Variants in COL6A6 observed in about 807,000 individuals in gnomAD.
COL6A6 encodes collagen type VI alpha 6 chain.
COL6A6 carries 183 observed loss-of-function variants against 208.6 expected under a neutral mutation model. The ratio of observed to expected loss-of-function variants is 0.88; its 90% CI spans 0.78 to 0.99. The LOEUF (loss-of-function observed/expected upper bound fraction) is 0.99, where lower values mean the gene tolerates loss of function less well. COL6A6 is among the 50% of genes least tolerant of loss of function. The pLI, the probability that COL6A6 is intolerant of heterozygous loss-of-function variation, is 0.00. For synonymous variants in COL6A6, 973 were observed against 1,011.8 expected (o/e 0.96, Z 0.73); for missense variants, 2,816 against 2,815.2 (o/e 1.00, Z -0.01).
intron 12 of COL6A6, 29 bp downstream of exon 12, chr3:130,589,211 T>C (rs2063615916): frequency 6.5e-7 from 1 of 1,536,272 alleles, no homozygotes; most frequent in East Asian, 2.2e-5. Flanking sequence ...TATGGGTTAC[T>C]TTGAGTTGTA....
At position 130,672,384 on chromosome 3, in the gene COL6A6, A is replaced by G. The variant is rs78532535; in HGVS notation, c.6597-2818A>G. On this transcript the variant is annotated intron_variant, in intron 36 of 36. Coordinates refer to ENST00000358511, the MANE Select transcript of COL6A6 (RefSeq NM_001102608.3). ...GGATAAAGAGAAACAAAGTCTTACA[A>G]TTCTCAAATTGAGTAATCACATTTT... 1.6e-4 allele frequency among the ~76,000 whole-genome samples: 24 copies of G among 151,298 alleles called. 1 individual carries two copies. The highest frequency in any genetic ancestry group is 2.0e-4 in the African/African-American group (8 of 40,688).
chr3:130,607,821 C>T (rs577815156), intron 21 of COL6A6, among the ~76,000 whole-genome samples: 316 of 152,300 alleles, frequency 2.1e-3, no homozygotes, highest in Non-Finnish European at 3.2e-3. Context: ...TTATCCCTCC[C>T]TCCCACATAC....
At chr3:130,531,061 GTCTCTCTCTCTCTCTC>G (rs10662894) in intron 1 of COL6A6, among the ~76,000 whole-genome samples, 2 of 136,584 alleles carry the variant, frequency 1.5e-5, no homozygotes, top group Non-Finnish European at 3.1e-5. Flanking sequence ...CACACACACA[GTCTCTCTCTCTCTCTC>G]TCTCTCTCTC....
intron 5 of COL6A6, among the ~76,000 whole-genome samples, chr3:130,567,569 A>G (rs552695057): frequency 7.2e-5 from 11 of 152,354 alleles, no homozygotes; most frequent in African/African-American, 2.4e-4. Flanking sequence ...ATGATTTCAG[A>G]TTGTAAGGAG....
chr3:130,665,131 A>G (rs751819237), intron 36 of COL6A6, 35 bp downstream of exon 36: 4 of 1,399,148 alleles, frequency 2.9e-6, no homozygotes, highest in Non-Finnish European at 4.0e-6. Context: ...ATAAATGAGA[A>G]TGCCCCCTGC....
intron 28 of COL6A6, among the ~76,000 whole-genome samples, chr3:130,638,062 G>GA (rs1450993796): frequency 1.3e-5 from 2 of 150,506 alleles, no homozygotes; most frequent in African/African-American, 4.9e-5. Flanking sequence ...ATGTCCCAGG[G>GA]AAAAAAAGGA....
chr3:130,624,246 A>G (rs1012064315), intron 24 of COL6A6, among the ~76,000 whole-genome samples: 2 of 152,186 alleles, frequency 1.3e-5, no homozygotes, highest in African/African-American at 4.8e-5. Flanking sequence ...AAAGCCAGGG[A>G]GAAAAGAGGA....
chr3:130,606,986 T>C lies in COL6A6; in HGVS notation c.4689+20T>C, dbSNP rs2108186411. 6.3e-7 allele frequency: 1 copy of C among 1,582,842 alleles called. No individual in the cohort carries two copies. Among genetic ancestry groups the C allele is most frequent in the Non-Finnish European group, 8.6e-7 (1 of 1,156,962 alleles). On this transcript the variant is annotated intron_variant, in intron 21 of 36. Transcript: ENST00000358511. ...CCACAGGTACAATGATTTTTCCCCTTAACTCCAAATAACAAATACTGCATC... is the reference window on the plus strand; with the variant it reads ...CCACAGGTACAATGATTTTTCCCCTCAACTCCAAATAACAAATACTGCATC...
At chr3:130,611,200 G>T (rs2108216135) in intron 23 of COL6A6, among the ~76,000 whole-genome samples, 1 of 151,672 alleles carries the variant, frequency 6.6e-6, no homozygotes, top group African/African-American at 2.4e-5. Flanking sequence ...CTAGGGTTGG[G>T]AATGACTGCT....
At chr3:130,644,086 G>A (rs144355495) in intron 31 of COL6A6, among the ~76,000 whole-genome samples, 7 of 152,228 alleles carry the variant, frequency 4.6e-5, no homozygotes, top group Admixed American at 2.0e-4. Flanking sequence ...ATAAAAAATC[G>A]CAAATCTAAA....
In COL6A6 at chr3:130,565,016, C is replaced by T. The variant is rs74824913; in HGVS notation, c.684C>T (p.Ala228=). The change falls in exon 4 of 37, where the codon GCC becomes GCT. Residue 228 remains alanine, a synonymous_variant. Coordinates refer to ENST00000358511, the MANE Select transcript of COL6A6 (RefSeq NM_001102608.3). ...FVEACQGPSM[A]DVVFLLDMSI... ...CAGCTTGCCAAGGCCCTTCTATGGCCGATGTTGTGTTCCTATTGGATATGT... is the reference window on the plus strand; with the variant it reads ...CAGCTTGCCAAGGCCCTTCTATGGCTGATGTTGTGTTCCTATTGGATATGT... 5.2e-3 allele frequency: 8,386 copies of T among 1,613,492 alleles called. 210 individuals carry two copies. The East Asian group carries it at 0.078, about 15-fold the overall frequency.
At chr3:130,521,908 C>G (rs1403485196) in intron 1 of COL6A6, among the ~76,000 whole-genome samples, 1 of 151,956 alleles carries the variant, frequency 6.6e-6, no homozygotes, top group East Asian at 1.9e-4. Context: ...TAGTGGTAAC[C>G]TACCTGCTCA....
At chr3:130,609,952 CT>C (rs1054764231) in intron 22 of COL6A6, among the ~76,000 whole-genome samples, 17,083 of 116,182 alleles carry the variant, frequency 0.15, 2,142 homozygotes, top group African/African-American at 0.35. Flanking sequence ...GGAAAGCTCA[CT>C]TTTTTTTTTT....
intron 28 of COL6A6, among the ~76,000 whole-genome samples, chr3:130,639,529 C>T (rs532454627): frequency 5.9e-4 from 90 of 152,094 alleles, no homozygotes; most frequent in Non-Finnish European, 9.9e-4. Flanking sequence ...CCCATCTCTA[C>T]AAAAAATACA....
intron 33 of COL6A6, among the ~76,000 whole-genome samples, chr3:130,654,644 A>G (rs2065738789): frequency 6.6e-6 from 1 of 152,236 alleles, no homozygotes; most frequent in African/African-American, 2.4e-5. Context: ...CCAGATAAGC[A>G]GCCTCTGCTT....
Position 130,596,971 on chromosome 3 carries a change from T to C in COL6A6, c.4534-1394T>C, listed in dbSNP as rs148827268. On this transcript the variant is annotated intron_variant, in intron 18 of 36. Transcript: ENST00000358511. ...GCTTTTTTACCCAGTTGTATACGTA[T>C]AGAAAGACTAAATCGGTTCAGATTC... Among the ~76,000 whole-genome samples, 625 of 152,348 alleles carry C rather than the reference T, an allele frequency of 4.1e-3. 1 individual carries two copies. The highest frequency in any genetic ancestry group is 0.013 in the African/African-American group (552 of 41,582).
chr3:130,640,292 T>A (rs2065272918), intron 28 of COL6A6, among the ~76,000 whole-genome samples: 1 of 152,176 alleles, frequency 6.6e-6, no homozygotes, highest in South Asian at 2.1e-4. Flanking sequence ...CATTTAACAC[T>A]TACACATTTG....
chr3:130,628,218 A>G (rs1335686606), intron 26 of COL6A6, among the ~76,000 whole-genome samples: 1 of 152,256 alleles, frequency 6.6e-6, no homozygotes, highest in African/African-American at 2.4e-5. Context: ...AATGTTCATT[A>G]GAACAGAGAA....
In COL6A6 at chr3:130,566,122, T is replaced by C. The variant is rs893315604; in HGVS notation, c.1282+508T>C. Among the ~76,000 whole-genome samples, 5 of 152,288 alleles carry C rather than the reference T, an allele frequency of 3.3e-5. No individual in the cohort carries two copies. The South Asian group carries it at 1.0e-3, about 32-fold the overall frequency. ...CCAGTGCAGGGACAGAGACAGAGGG[T>C]GATGTATCTTATGTTTCATATATAC... On this transcript the variant is annotated intron_variant, in intron 4 of 36. Transcript: ENST00000358511.
Sources: gnomAD v4.1 joint callset for allele counts (sites outside exome capture counted in the v4.1 genomes callset) on GRCh38, gnomAD v4.1.1 for gene constraint, MANE v1.5 for transcripts, NCBI Gene and HGNC (gene_info 2026-07-23, HGNC 2026-07-21) for gene names.